AR: variants seen among roughly 807,000 people sequenced by gnomAD.
AR encodes androgen receptor, also known as dihydrotestosterone receptor.
AR carries 8 observed loss-of-function variants against 53.9 expected under a neutral mutation model. The ratio of observed to expected loss-of-function variants is 0.15; its 90% confidence interval spans 0.09 to 0.27. The LOEUF is 0.27. Ranked by LOEUF, AR falls within the 10% of genes least tolerant of loss-of-function variation. The pLI is 1.00. For missense variants in AR, 639 were observed against 742.5 expected (o/e 0.86, Z 1.62); for synonymous variants, 359 against 316.4 (o/e 1.13, Z -1.43).
chrX:67,659,806 A>G (rs1926787397), intron 2 of AR, among the ~76,000 whole-genome samples: 1 of 111,753 alleles, frequency 8.9e-6, no homozygotes, highest in Non-Finnish European at 1.9e-5. Flanking sequence ...GACTTCCACA[A>G]TGGTTCAACT....
At position 67,546,442 on chromosome X, in the gene AR, C is replaced by T. The variant is rs1351656266; in HGVS notation, c.1296C>T (p.Ser432=). ...CTGGGTCACCCTCAGCCGCCGCTTC[C>T]TCATCCTGGCACACTCTCTTCACAG... The part of the protein sequence containing the change: ...PGSGSPSAAA[S]SSWHTLFTAE... Residue 432 remains serine, a synonymous_variant, in exon 1 of 8, where the codon TCC becomes TCT. Transcript: ENST00000374690. 8.4e-7 allele frequency: 1 copy of T among 1,184,937 alleles called. No homozygotes were observed. The highest frequency in any genetic ancestry group is 1.1e-6 in the Non-Finnish European group (1 of 882,574).
intron 1 of AR, among the ~76,000 whole-genome samples, chrX:67,627,571 T>C (rs1040386306): frequency 5.4e-5 from 6 of 111,203 alleles, no homozygotes; most frequent in South Asian, 3.9e-4. Flanking sequence ...TTTTCTCTCA[T>C]TTTGTAGGTT....
chrX:67,698,854 G>A (rs762821429), intron 3 of AR, among the ~76,000 whole-genome samples: 1 of 111,480 alleles, frequency 9.0e-6, no homozygotes, highest in East Asian at 2.8e-4. Flanking sequence ...TTAATCTTTA[G>A]GAATGAATGG....
rs1482343188 is a variant in AR, at chrX:67,685,773, G to A, written c.1769-237G>A. Among the ~76,000 whole-genome samples, 3 of 110,944 alleles carry A rather than the reference G, an allele frequency of 2.7e-5. No homozygotes were observed. In the East Asian group the frequency reaches 8.6e-4, roughly 32 times the overall value. On this transcript the variant is annotated intron_variant, in intron 2 of 7. Coordinates refer to ENST00000374690, the MANE Select transcript of AR (RefSeq NM_000044.6). ...AGTCCTAATAGTGGAGATATCATCA[G>A]GATCTGAATTGTTCATCCCTAAAAA...
intron 1 of AR, among the ~76,000 whole-genome samples, chrX:67,595,549 A>G (rs1923036863): frequency 9.1e-6 from 1 of 109,771 alleles, no homozygotes; most frequent in Non-Finnish European, 1.9e-5. Flanking sequence ...TTCCCATAGA[A>G]TTCACAAAAT....
chrX:67,719,114 G>A (rs1471412143), intron 5 of AR, among the ~76,000 whole-genome samples: 3 of 111,390 alleles, frequency 2.7e-5, no homozygotes, highest in African/African-American at 6.5e-5. Context: ...ACTGCAATGC[G>A]AGGGAGAGTG....
intron 2 of AR, among the ~76,000 whole-genome samples, chrX:67,674,159 GTCTCTCTC>G (rs758684375): frequency 9.4e-6 from 1 of 106,358 alleles, no homozygotes; most frequent in Non-Finnish European, 1.9e-5. Flanking sequence ...AACAAATAGA[GTCTCTCTC>G]TCTCTCTCTC....
At chrX:67,576,321 T>C (rs1251757554) in intron 1 of AR, among the ~76,000 whole-genome samples, 2 of 110,757 alleles carry the variant, frequency 1.8e-5, no homozygotes, top group African/African-American at 6.6e-5. Context: ...GGTTCCATTG[T>C]ATATAGTTGA....
intron 3 of AR, among the ~76,000 whole-genome samples, chrX:67,698,756 G>T (rs1243087102): frequency 9.0e-6 from 1 of 111,609 alleles, no homozygotes; most frequent in Non-Finnish European, 1.9e-5. Flanking sequence ...TCTCACCCTT[G>T]CTTTCCCTGC....
rs745486792 is a variant in AR, at chrX:67,681,956, A to G, written c.1769-4054A>G. Among the ~76,000 whole-genome samples, 13 of 112,600 alleles carry G rather than the reference A, an allele frequency of 1.2e-4. No individual in the cohort carries two copies. In the South Asian group the frequency reaches 4.4e-3, roughly 38 times the overall value. The stretch of plus-strand genomic sequence containing the variant: ...ACATATGCAAATCAATAGTATTAAC[A>G]GAATGAAGGACAAAAACTATATGAT... On this transcript the variant is annotated intron_variant, in intron 2 of 7. Transcript: ENST00000374690.
At chrX:67,696,928 G>T (rs2076023364) in intron 3 of AR, among the ~76,000 whole-genome samples, 1 of 112,018 alleles carries the variant, frequency 8.9e-6, no homozygotes, top group Non-Finnish European at 1.9e-5. Flanking sequence ...ATCTAGCTGT[G>T]TGACCTGGGG....
At chrX:67,611,406 T>C (rs1204862080) in intron 1 of AR, among the ~76,000 whole-genome samples, 2 of 112,000 alleles carry the variant, frequency 1.8e-5, no homozygotes, top group Non-Finnish European at 3.8e-5. Flanking sequence ...TTGTTGTTGC[T>C]GTTACTATAT....
intron 1 of AR, among the ~76,000 whole-genome samples, chrX:67,636,671 C>T (rs762309903): frequency 8.9e-6 from 1 of 111,920 alleles, no homozygotes; most frequent in South Asian, 3.7e-4. Flanking sequence ...GAGAGAGGGA[C>T]TGCAGTTGGA....
chrX:67,693,195 A>G (rs1029217580), intron 3 of AR, among the ~76,000 whole-genome samples: 1 of 112,626 alleles, frequency 8.9e-6, no homozygotes, highest in African/African-American at 3.2e-5. Flanking sequence ...TGTAAAATTT[A>G]TACTTAAATC....
chrX:67,662,452 T>C (rs1461740875), intron 2 of AR, among the ~76,000 whole-genome samples: 1 of 111,638 alleles, frequency 9.0e-6, no homozygotes, highest in Non-Finnish European at 1.9e-5. Flanking sequence ...ATTATGTACC[T>C]AGTAGTCATT....
chrX:67,560,219 C>A (rs149117974), intron 1 of AR, among the ~76,000 whole-genome samples: 11 of 111,361 alleles, frequency 9.9e-5, no homozygotes, highest in Non-Finnish European at 1.9e-4. Context: ...AAAAACCAAG[C>A]TGAAGGCTTT....
At chrX:67,638,066 C>A (rs1235970758) in intron 1 of AR, among the ~76,000 whole-genome samples, 1 of 111,202 alleles carries the variant, frequency 9.0e-6, no homozygotes, top group East Asian at 2.8e-4. Flanking sequence ...TGAGTGAGAA[C>A]ATGCAGTGTT....
In AR at chrX:67,546,561, G is replaced by A. The variant is rs1481549942; in HGVS notation, c.1415G>A (p.Gly472Asp). Residue 472 changes from glycine to aspartate, a missense_variant, in exon 1 of 8, where the codon GGC becomes GAC. By Grantham distance (94) the Gly-to-Asp change is moderately conservative. Around this residue, in one of 5 missense-constraint regions of AR, gnomAD observed 423 missense variants for 377.0 expected, o/e 1.12. Transcript: ENST00000374690. Reference sequence around the variant, plus strand: ...GGCGGCGGCGGCGGCGGCGGCGGCGGCGGCGAGGCGGGAGCTGTAGCCCCC... The same window carrying A: ...GGCGGCGGCGGCGGCGGCGGCGGCGACGGCGAGGCGGGAGCTGTAGCCCCC... ...GGGGGGGGGGGGEAGAVAPYG... is the reference protein window; with the variant it reads ...GGGGGGGGGGDGEAGAVAPYG... 2 of 978,167 alleles carry A rather than the reference G, an allele frequency of 2.0e-6. No homozygotes were observed. The highest frequency in any genetic ancestry group is 2.6e-6 in the Non-Finnish European group (2 of 774,906). 80.6% of individuals were successfully genotyped at this position (978,167 alleles called of 1,213,427 possible). A position where few individuals can be genotyped will look rare whatever the true frequency, so the allele number is the denominator to read the frequency against.
At chrX:67,660,522 G>A (rs1317116843) in intron 2 of AR, among the ~76,000 whole-genome samples, 5 of 111,544 alleles carry the variant, frequency 4.5e-5, no homozygotes, top group African/African-American at 1.3e-4. Flanking sequence ...TCAGATGGTT[G>A]TATATATGCG....
Sources: allele counts gnomAD v4.1 joint callset (sites outside exome capture counted in the v4.1 genomes callset), GRCh38; gene constraint gnomAD v4.1.1; regional missense constraint gnomAD v4.1.1; transcripts MANE v1.5; gene names NCBI Gene and HGNC (gene_info 2026-07-23, HGNC 2026-07-21).